Variants in MAST4 observed in about 807,000 individuals in gnomAD.
The protein encoded by MAST4 is microtubule associated serine/threonine kinase family member 4.
Under a neutral mutation model 162.7 loss-of-function variants are expected in MAST4, and 89 were observed. The observed-to-expected ratio is 0.55, with a 90% confidence interval of 0.46 to 0.65. The LOEUF (loss-of-function observed/expected upper bound fraction) is 0.65. MAST4 is among the 30% of genes least tolerant of loss of function. MAST4 has a pLI of 0.00. For synonymous variants in MAST4, 1,479 were observed against 1,361.1 expected (o/e 1.09, Z -1.91); for missense variants, 3,153 against 3,374.0 (o/e 0.93, Z 1.62).
chr5:66,836,965 A>G (rs1304574433), intron 3 of MAST4, among the ~76,000 whole-genome samples: 1 of 151,572 alleles, frequency 6.6e-6, no homozygotes, highest in Middle Eastern at 3.2e-3. Context: ...TAAAATGTGC[A>G]TCATACACAG....
intron 1 of MAST4, among the ~76,000 whole-genome samples, chr5:66,753,515 A>G (rs1207241985): frequency 1.3e-5 from 2 of 151,894 alleles, no homozygotes; most frequent in African/African-American, 4.8e-5. Context: ...AGAGAATACT[A>G]CAAACACCTC....
chr5:67,121,299 C>G (rs891823463), intron 14 of MAST4, among the ~76,000 whole-genome samples, 197 bp downstream of exon 14: 2 of 151,998 alleles, frequency 1.3e-5, no homozygotes, highest in African/African-American at 2.4e-5. Flanking sequence ...TGCCAAGTGA[C>G]CAAGGAGTTA....
At chr5:67,081,081 AT>A (rs1762591715) in intron 5 of MAST4, among the ~76,000 whole-genome samples, 1 of 74,498 alleles carries the variant, frequency 1.3e-5, no homozygotes, top group African/African-American at 1.1e-4. Context: ...ATAATTGTAT[AT>A]ATTATATAAT....
At chr5:66,700,469 G>A (rs1180094647) in intron 1 of MAST4, among the ~76,000 whole-genome samples, 3 of 151,840 alleles carry the variant, frequency 2.0e-5, no homozygotes, top group Non-Finnish European at 2.9e-5. Context: ...ATCACCTGAG[G>A]TCAGGAGTTC....
chr5:66,795,860 G>A (rs979436619), intron 3 of MAST4, among the ~76,000 whole-genome samples: 1 of 152,172 alleles, frequency 6.6e-6, no homozygotes, highest in Admixed American at 6.5e-5. Flanking sequence ...CATCTGGAAA[G>A]TAGTAATCTC....
At chr5:66,725,919 G>A (rs1751487174) in intron 1 of MAST4, among the ~76,000 whole-genome samples, 1 of 152,144 alleles carries the variant, frequency 6.6e-6, no homozygotes, top group Admixed American at 6.6e-5. Context: ...TTTTTTGAGT[G>A]CCTCTTTTGT....
intron 3 of MAST4, among the ~76,000 whole-genome samples, chr5:66,891,934 C>G (rs1762389486): frequency 6.6e-6 from 1 of 152,212 alleles, no homozygotes; most frequent in South Asian, 2.1e-4. Context: ...ACCCAAGACC[C>G]AGGTTCTACC....
chr5:66,964,128 G>C, intron 4 of MAST4: 1 of 482,616 alleles, frequency 2.1e-6, no homozygotes, highest in South Asian at 1.6e-5. Context: ...ATTCCTATGA[G>C]AGTATTATAA....
chr5:66,918,756 G>T (rs1037645426), intron 4 of MAST4, among the ~76,000 whole-genome samples: 1 of 152,072 alleles, frequency 6.6e-6, no homozygotes, highest in African/African-American at 2.4e-5. Flanking sequence ...ACTTGATTAA[G>T]TAGAAAAAAT....
intron 2 of MAST4, among the ~76,000 whole-genome samples, chr5:66,773,833 C>T (rs1042004470): frequency 6.6e-6 from 1 of 151,742 alleles, no homozygotes; most frequent in Non-Finnish European, 1.5e-5. Context: ...ATAAATTACC[C>T]AGTCTCCATT....
chr5:66,881,869 A>G (rs573002713), intron 3 of MAST4, among the ~76,000 whole-genome samples: 1 of 152,334 alleles, frequency 6.6e-6, no homozygotes, highest in South Asian at 2.1e-4. Context: ...AACAAGTCAA[A>G]ACATAACCAG....
chr5:66,958,127 G>A (rs968535943), intron 4 of MAST4, among the ~76,000 whole-genome samples: 1 of 152,112 alleles, frequency 6.6e-6, no homozygotes, highest in Non-Finnish European at 1.5e-5. Context: ...CTCTTTGTGT[G>A]TGTGTGTATG....
intron 4 of MAST4, among the ~76,000 whole-genome samples, chr5:66,908,143 T>G (rs1763510401): frequency 6.6e-6 from 1 of 152,224 alleles, no homozygotes; most frequent in East Asian, 1.9e-4. Context: ...TTTCAGACTG[T>G]GGAAGAATGT....
intron 3 of MAST4, among the ~76,000 whole-genome samples, chr5:66,861,608 A>T (rs989472812): frequency 1.3e-5 from 2 of 152,228 alleles, no homozygotes; most frequent in Admixed American, 1.3e-4. Flanking sequence ...CACTGTGGGG[A>T]GCCAAAATGC....
At chr5:66,621,010 G>GT (rs941040181) in intron 1 of MAST4, among the ~76,000 whole-genome samples, 99 of 148,618 alleles carry the variant, frequency 6.7e-4, no homozygotes, top group African/African-American at 1.6e-3. Context: ...TAAATAGATT[G>GT]TTTTTTTTTT....
intron 1 of MAST4, among the ~76,000 whole-genome samples, chr5:66,716,272 A>G (rs1338322719): frequency 6.6e-6 from 1 of 152,328 alleles, no homozygotes; most frequent in Admixed American, 6.5e-5. Context: ...AGTATGCAAG[A>G]AATTATATAC....
chr5:66,791,634 A>C (rs1755413710), intron 3 of MAST4, among the ~76,000 whole-genome samples: 1 of 152,250 alleles, frequency 6.6e-6, no homozygotes, highest in Non-Finnish European at 1.5e-5. Context: ...TACCTGGCAT[A>C]TAACAAGTCA....
chr5:67,000,978 AAATG>A (rs1751230082), intron 4 of MAST4, among the ~76,000 whole-genome samples: 2 of 152,354 alleles, frequency 1.3e-5, no homozygotes, highest in East Asian at 3.9e-4. Context: ...CATCCTGATT[AAATG>A]AATGAAAGTT....
intron 1 of MAST4, among the ~76,000 whole-genome samples, chr5:66,631,699 A>G (rs1744808227): frequency 6.6e-6 from 1 of 152,188 alleles, no homozygotes. Flanking sequence ...CTTGCCCTAT[A>G]TATAACCTCA....
Sources: allele counts gnomAD v4.1 joint callset (sites outside exome capture counted in the v4.1 genomes callset), GRCh38; gene constraint gnomAD v4.1.1; transcripts MANE v1.5; gene names NCBI Gene and HGNC (gene_info 2026-07-23, HGNC 2026-07-21).